MAGI2: variants seen among roughly 807,000 people sequenced by gnomAD.
MAGI2 encodes the protein membrane-associated guanylate kinase, WW and PDZ domain-containing protein 2.
In MAGI2, 35 loss-of-function variants were observed where a neutral mutation model predicts 133.3. That is an observed-to-expected ratio of 0.26 (90% confidence interval 0.20 to 0.35). MAGI2 has a LOEUF of 0.35. Ranked by LOEUF, MAGI2 falls within the 10% of genes least tolerant of loss-of-function variation. MAGI2 has a pLI of 1.00. For missense variants in MAGI2, 1,636 were observed against 1,863.4 expected (o/e 0.88, Z 2.25); for synonymous variants, 729 against 710.6 (o/e 1.03, Z -0.41).
intron 1 of MAGI2, among the ~76,000 whole-genome samples, chr7:79,439,374 G>A (rs915367620): frequency 1.3e-5 from 2 of 152,106 alleles, no homozygotes; most frequent in African/African-American, 4.8e-5. Context: ...CTCAGAAAAT[G>A]TTAGTCCCAT....
chr7:78,057,172 C>G (rs913553284), intron 21 of MAGI2, among the ~76,000 whole-genome samples: 1 of 151,852 alleles, frequency 6.6e-6, no homozygotes, highest in African/African-American at 2.4e-5. Flanking sequence ...GCCACACTTG[C>G]AATCCCACAA....
intron 6 of MAGI2, among the ~76,000 whole-genome samples, chr7:78,374,798 T>C (rs1189889170): frequency 6.6e-5 from 10 of 152,076 alleles, no homozygotes; most frequent in African/African-American, 2.4e-4. Context: ...TTAAATAAAA[T>C]GAGAATGTAG....
chr7:78,383,923 T>C (rs1011938031), intron 6 of MAGI2, among the ~76,000 whole-genome samples: 2 of 152,212 alleles, frequency 1.3e-5, no homozygotes, highest in Non-Finnish European at 2.9e-5. Context: ...GCTTTATTTC[T>C]GGATTCTCCA....
intron 6 of MAGI2, among the ~76,000 whole-genome samples, chr7:78,433,740 C>T (rs970455361): frequency 6.6e-6 from 1 of 152,044 alleles, no homozygotes; most frequent in African/African-American, 2.4e-5. Flanking sequence ...CAGAAAAGTA[C>T]AAAATATTAT....
chr7:79,091,357 C>T (rs1041138458), intron 1 of MAGI2, among the ~76,000 whole-genome samples: 9 of 152,180 alleles, frequency 5.9e-5, no homozygotes, highest in East Asian at 1.9e-4. Context: ...GAAATATTTT[C>T]GATACAAACA....
intron 1 of MAGI2, among the ~76,000 whole-genome samples, chr7:79,261,972 C>T (rs1035043879): frequency 2.0e-4 from 30 of 152,264 alleles, no homozygotes; most frequent in African/African-American, 7.0e-4. Flanking sequence ...TTCAATCAAC[C>T]ACTGACTACT....
At chr7:78,270,586 T>A (rs1387108028) in intron 9 of MAGI2, among the ~76,000 whole-genome samples, 1 of 152,208 alleles carries the variant, frequency 6.6e-6, no homozygotes, top group Non-Finnish European at 1.5e-5. Context: ...TGTATAGGAA[T>A]GCTTGTGATT....
At chr7:78,718,607 A>AC (rs1259964414) in intron 2 of MAGI2, among the ~76,000 whole-genome samples, 3 of 147,762 alleles carry the variant, frequency 2.0e-5, no homozygotes, top group African/African-American at 7.5e-5. Flanking sequence ...GTCCCCCATC[A>AC]CCCCCAGATG....
At chr7:78,079,853 A>G (rs1815760023) in intron 20 of MAGI2, among the ~76,000 whole-genome samples, 1 of 152,244 alleles carries the variant, frequency 6.6e-6, no homozygotes, top group African/African-American at 2.4e-5. Context: ...TTGAAATAAA[A>G]GAGGTTCAAC....
At chr7:78,874,378 T>A (rs1353320376) in intron 2 of MAGI2, among the ~76,000 whole-genome samples, 1 of 152,190 alleles carries the variant, frequency 6.6e-6, no homozygotes, top group East Asian at 1.9e-4. Flanking sequence ...TAGCATCTGA[T>A]AAGATATCAT....
rs186887084 is a variant in MAGI2, at chr7:78,926,883, T to C, written c.418+80207A>G. Among the ~76,000 whole-genome samples, 243 of 151,902 alleles carry C rather than the reference T, an allele frequency of 1.6e-3. 1 individual carries two copies. Among genetic ancestry groups the C allele is most frequent in the Non-Finnish European group, 1.3e-4 (9 of 67,874 alleles). On this transcript the variant is annotated intron_variant, in intron 2 of 21. Transcript: ENST00000354212. The stretch of plus-strand genomic sequence containing the variant: ...ACATGAGTACCATTCTGACTGTAAT[T>C]CCTGGTAAACTTGTCACTGAGGGGA...
rs184137482 is a variant in MAGI2 at position 78,288,147 on chromosome 7, G to T, written c.1409-31566C>A. Among the ~76,000 whole-genome samples the T allele has an allele frequency of 2.4e-3, 367 of 152,226 alleles. 1 individual carries two copies. Among genetic ancestry groups the T allele is most frequent in the Non-Finnish European group, 4.6e-3 (316 of 68,024 alleles). ...ATAAGCAGAATAGAAAACATTTCCAGGCCTGTAAATCCAGCAGTGCTTTTG... is the reference window on the plus strand; with the variant it reads ...ATAAGCAGAATAGAAAACATTTCCATGCCTGTAAATCCAGCAGTGCTTTTG... On this transcript the variant is annotated intron_variant, in intron 9 of 21. Transcript: ENST00000354212.
intron 1 of MAGI2, among the ~76,000 whole-genome samples, chr7:79,029,009 T>G (rs1000983793): frequency 3.9e-5 from 6 of 152,314 alleles, no homozygotes; most frequent in African/African-American, 1.4e-4. Context: ...TTAAATAGTC[T>G]ATTTCATGTT....
intron 1 of MAGI2, among the ~76,000 whole-genome samples, chr7:79,034,011 A>G (rs937630648): frequency 1.3e-5 from 2 of 152,204 alleles, no homozygotes; most frequent in African/African-American, 4.8e-5. Flanking sequence ...TTTTTAAAAA[A>G]TTAGTCTTCA....
chr7:78,655,454 C>CAAAAAAAAAAAAAAAAAAAAAAACACCAA, intron 2 of MAGI2, among the ~76,000 whole-genome samples: 1 of 64,948 alleles, frequency 1.5e-5, no homozygotes, highest in Non-Finnish European at 2.8e-5. Context: ...AAAAAACAAC[C>CAAAAAAAAAAAAAAAAAAAAAAACACCAA]AAAAAAAAAA....
At chr7:78,340,517 A>G (rs1015206758) in intron 9 of MAGI2, among the ~76,000 whole-genome samples, 12 of 152,332 alleles carry the variant, frequency 7.9e-5, no homozygotes, top group Admixed American at 2.0e-4. Context: ...AGAAAATTTC[A>G]GGCCAATATC....
intron 6 of MAGI2, among the ~76,000 whole-genome samples, chr7:78,444,334 A>G (rs985279427): frequency 3.9e-5 from 6 of 152,104 alleles, no homozygotes; most frequent in African/African-American, 1.4e-4. Flanking sequence ...GTGAAAAAAG[A>G]CTTCCAATCT....
At chr7:79,188,411 A>G (rs1827354612) in intron 1 of MAGI2, among the ~76,000 whole-genome samples, 1 of 151,814 alleles carries the variant, frequency 6.6e-6, no homozygotes, top group Non-Finnish European at 1.5e-5. Context: ...TTTGCTGAGG[A>G]TAATGGTTTC....
chr7:78,161,030 TA>T (rs1824919837), intron 15 of MAGI2, among the ~76,000 whole-genome samples: 1 of 152,202 alleles, frequency 6.6e-6, no homozygotes, highest in African/African-American at 2.4e-5. Flanking sequence ...GATTTTCATT[TA>T]AAAAATAGCT....
Sources: gnomAD v4.1 joint callset for allele counts (sites outside exome capture counted in the v4.1 genomes callset) on GRCh38, gnomAD v4.1.1 for gene constraint, MANE v1.5 for transcripts, NCBI Gene and HGNC (gene_info 2026-07-23, HGNC 2026-07-21) for gene names.